SUMF1: variants seen among roughly 807,000 people sequenced by gnomAD.
The protein encoded by SUMF1 is formylglycine-generating enzyme.
SUMF1 carries 48 observed loss-of-function variants against 47.6 expected under a neutral mutation model. That is an observed-to-expected ratio of 1.01 (90% CI 0.80 to 1.28). SUMF1 has a LOEUF of 1.28. Ranked by LOEUF, SUMF1 falls within the 50% of genes most tolerant of loss-of-function variation. SUMF1 has a pLI of 0.00. For synonymous variants in SUMF1, 230 were observed against 192.1 expected, an observed-to-expected ratio of 1.20 and a Z score of -1.63; for missense variants, 571 against 485.4, an observed-to-expected ratio of 1.18 and a Z score of -1.66.
At chr3:4,292,476 G>A (rs1454318158) in intron 8 of SUMF1, among the ~76,000 whole-genome samples, 2 of 152,194 alleles carry the variant, frequency 1.3e-5, no homozygotes, top group African/African-American at 4.8e-5. Context: ...TAACCTAAAG[G>A]CAGCTATAAG....
At chr3:4,353,995 T>C (rs569080272) in intron 8 of SUMF1, among the ~76,000 whole-genome samples, 20 of 152,256 alleles carry the variant, frequency 1.3e-4, no homozygotes, top group African/African-American at 4.3e-4. Context: ...GCTAGGACTA[T>C]AGGACTATGC....
chr3:4,105,246 G>C (rs191778721), intron 8 of SUMF1, among the ~76,000 whole-genome samples: 1 of 152,088 alleles, frequency 6.6e-6, no homozygotes, highest in African/African-American at 2.4e-5. Flanking sequence ...ATGAGAAAAG[G>C]GGAGATGTCT....
intron 8 of SUMF1, among the ~76,000 whole-genome samples, chr3:4,277,762 T>C (rs1027061834): frequency 6.6e-6 from 1 of 152,108 alleles, no homozygotes; most frequent in Non-Finnish European, 1.5e-5. Flanking sequence ...TCAGCAGTGT[T>C]AGAGTACCTC....
At chr3:4,118,055 C>T (rs1298512229) in intron 8 of SUMF1, among the ~76,000 whole-genome samples, 1 of 151,942 alleles carries the variant, frequency 6.6e-6, no homozygotes, top group Admixed American at 6.6e-5. Context: ...CATTCATGGT[C>T]AGGACATATC....
intron 8 of SUMF1, among the ~76,000 whole-genome samples, chr3:4,071,615 G>A (rs372924028): frequency 6.6e-6 from 1 of 152,186 alleles, no homozygotes; most frequent in Non-Finnish European, 1.5e-5. Flanking sequence ...GGAGCTTAGT[G>A]GGGGGAGGGG....
rs190408371 is a variant in SUMF1, at chr3:4,182,971, C to G, written c.1015-114226G>C. The stretch of plus-strand genomic sequence containing the variant: ...AAAACCCAGCCAATTATCTTGGACT[C>G]GGGGCCCCAGTAGACACTGAGGTTG... On this transcript the variant is annotated intron_variant and NMD_transcript_variant, in intron 8 of 12. Transcript: ENST00000448413. 2.3e-3 allele frequency among the ~76,000 whole-genome samples: 356 copies of G among 152,168 alleles called. 1 individual carries two copies. The highest frequency in any genetic ancestry group is 7.2e-3 in the African/African-American group (299 of 41,530).
intron 8 of SUMF1, among the ~76,000 whole-genome samples, chr3:4,251,329 C>T (rs983325421): frequency 6.6e-6 from 1 of 152,172 alleles, no homozygotes; most frequent in African/African-American, 2.4e-5. Context: ...TGAGGAGTTG[C>T]TTCTTATGGA....
chr3:4,039,069 C>T (rs1309649480), intron 9 of SUMF1, among the ~76,000 whole-genome samples: 1 of 151,776 alleles, frequency 6.6e-6, no homozygotes, highest in Non-Finnish European at 1.5e-5. Context: ...TAAAGCACTC[C>T]CCCCTTAATT....
At chr3:4,036,511 G>C (rs539646610) in intron 9 of SUMF1, among the ~76,000 whole-genome samples, 1 of 151,894 alleles carries the variant, frequency 6.6e-6, no homozygotes, top group East Asian at 1.9e-4. Context: ...CTGCATGAGG[G>C]TTCTATAACT....
intron 8 of SUMF1, chr3:4,313,385 T>C (rs748650391): frequency 1.2e-6 from 2 of 1,613,942 alleles, no homozygotes; most frequent in East Asian, 2.2e-5. Context: ...CCTACTTATA[T>C]AGGAAATATT....
chr3:4,278,871 T>C lies in SUMF1; in HGVS notation c.1014+97459A>G, dbSNP rs189489163. On this transcript the variant is annotated intron_variant and NMD_transcript_variant, in intron 8 of 12. Transcript: ENST00000448413. ...TAAAAATAATAAAAATTCCCCATAGTAGCTATTCTCAAATTTTTTCATGCC... is the reference window on the plus strand; with the variant it reads ...TAAAAATAATAAAAATTCCCCATAGCAGCTATTCTCAAATTTTTTCATGCC... Among the ~76,000 whole-genome samples, 254 of 152,280 alleles carry C rather than the reference T, an allele frequency of 1.7e-3. 1 individual carries two copies. Among genetic ancestry groups the C allele is most frequent in the Middle Eastern group, 3.4e-3 (1 of 294 alleles).
intron 8 of SUMF1, among the ~76,000 whole-genome samples, chr3:4,218,918 C>T (rs575664284): frequency 2.8e-4 from 43 of 152,240 alleles, no homozygotes; most frequent in African/African-American, 9.6e-4. Context: ...CACTATTAAA[C>T]GCAGCCAAAT....
intron 7 of SUMF1, among the ~76,000 whole-genome samples, chr3:4,392,617 A>G (rs6805181): frequency 0.093 from 2,510 of 26,930 alleles, 34 homozygotes; most frequent in South Asian, 0.15. Context: ...GTGTGTGTGT[A>G]TATATATATA....
intron 7 of SUMF1, among the ~76,000 whole-genome samples, chr3:4,407,051 C>T (rs1265140512): frequency 2.0e-5 from 3 of 151,306 alleles, no homozygotes; most frequent in African/African-American, 7.3e-5. Context: ...ATGAGGCCAT[C>T]TAAATGTGGC....
intron 8 of SUMF1, among the ~76,000 whole-genome samples, chr3:4,168,788 A>G (rs1261377330): frequency 6.6e-6 from 1 of 152,208 alleles, no homozygotes; most frequent in African/African-American, 2.4e-5. Context: ...TTCATGAGAT[A>G]CATGTGAAGC....
chr3:4,338,185 T>C (rs977352678), intron 8 of SUMF1, among the ~76,000 whole-genome samples: 13 of 152,240 alleles, frequency 8.5e-5, no homozygotes, highest in African/African-American at 2.9e-4. Context: ...GGAGGATGGC[T>C]TGAGCCCAGT....
chr3:4,304,892 T>C (rs1413704774), intron 8 of SUMF1, among the ~76,000 whole-genome samples: 2 of 151,628 alleles, frequency 1.3e-5, no homozygotes, highest in African/African-American at 4.9e-5. Context: ...TTTATACATG[T>C]TTGGGAGAGA....
chr3:4,383,820 A>C (rs1178631588), intron 7 of SUMF1, among the ~76,000 whole-genome samples: 1 of 152,246 alleles, frequency 6.6e-6, no homozygotes, highest in East Asian at 1.9e-4. Flanking sequence ...ACTCTGACAC[A>C]GAAACTTCAT....
intron 8 of SUMF1, among the ~76,000 whole-genome samples, chr3:4,340,790 T>C (rs1427755558): frequency 6.6e-6 from 1 of 152,190 alleles, no homozygotes; most frequent in Non-Finnish European, 1.5e-5. Flanking sequence ...TGAATGTGTG[T>C]TGAAGCGCCA....
Sources: gnomAD v4.1 joint callset for allele counts (sites outside exome capture counted in the v4.1 genomes callset) on GRCh38, gnomAD v4.1.1 for gene constraint, MANE v1.5 for transcripts, NCBI Gene and HGNC (gene_info 2026-07-23, HGNC 2026-07-21) for gene names.